Variants in LRRK1 observed in about 807,000 individuals in gnomAD.
LRRK1 encodes leucine rich repeat kinase 1.
In LRRK1, 113 loss-of-function variants were observed where a neutral mutation model predicts 209.1. That is an observed-to-expected ratio of 0.54 (90% CI 0.46 to 0.63). The LOEUF (loss-of-function observed/expected upper bound fraction) is 0.63, where lower values mean the gene tolerates loss of function less well. Among genes scored for constraint, LRRK1 ranks in the 30% least tolerant of loss-of-function variants. The pLI, the probability that LRRK1 is intolerant of heterozygous loss-of-function variation, is 0.00. For synonymous variants in LRRK1, 1,144 were observed against 1,099.7 expected, an observed-to-expected ratio of 1.04 and a Z score of -0.80; for missense variants, 2,284 against 2,632.2, an observed-to-expected ratio of 0.87 and a Z score of 2.89.
At chr15:101,030,629 C>G (rs1478857707) in intron 20 of LRRK1, among the ~76,000 whole-genome samples, 2 of 152,170 alleles carry the variant, frequency 1.3e-5, no homozygotes, top group Non-Finnish European at 2.9e-5. Context: ...CAAATTCCTC[C>G]CTGTACCCCT....
chr15:101,068,504 C>A (rs576670588), intron 33 of LRRK1, among the ~76,000 whole-genome samples, 167 bp from the exon 34 acceptor site: 1 of 152,192 alleles, frequency 6.6e-6, no homozygotes, highest in Non-Finnish European at 1.5e-5. Flanking sequence ...AGGCTGGCCA[C>A]TGGGGAGAAG....
intron 2 of LRRK1, among the ~76,000 whole-genome samples, chr15:100,948,357 C>T (rs558689972): frequency 1.3e-5 from 2 of 152,226 alleles, no homozygotes; most frequent in African/African-American, 4.8e-5. Context: ...GTTTCGTCCC[C>T]GCCGTTTGAA....
intron 2 of LRRK1, among the ~76,000 whole-genome samples, chr15:100,941,288 G>GTGTGTGCCTGTA (rs1555458897): frequency 2.2e-5 from 2 of 90,066 alleles, no homozygotes; most frequent in Non-Finnish European, 4.3e-5. Flanking sequence ...CCGTGTGTGT[G>GTGTGTGCCTGTA]TCTGTGTGTG....
At position 101,029,087 on chromosome 15, in the gene LRRK1, T is replaced by C. The variant is rs755449019; in HGVS notation, c.2818T>C (p.Ser940Pro). ...GCAGAGGATCTTTAATATTAAGGGCTCTCGGTCAGTGGCCAAGAATGGGGT... is the reference window on the plus strand; with the variant it reads ...GCAGAGGATCTTTAATATTAAGGGCCCTCGGTCAGTGGCCAAGAATGGGGT... ...CLQRIFNIKG[S>P]RSVAKNGVIR... The change falls in exon 20 of 34, where the codon TCT becomes CCT. Residue 940 changes from serine to proline, a missense_variant. Ser to Pro is a moderately conservative substitution (Grantham distance 74). Transcript: ENST00000388948. 6.2e-7 allele frequency: 1 copy of C among 1,614,148 alleles called. No individual in the cohort carries two copies. The highest frequency in any genetic ancestry group is 1.1e-5 in the South Asian group (1 of 91,078).
chr15:100,984,273 G>A (rs2031754357), intron 4 of LRRK1, among the ~76,000 whole-genome samples: 1 of 152,230 alleles, frequency 6.6e-6, no homozygotes, highest in African/African-American at 2.4e-5. Flanking sequence ...TTTTGTGTTA[G>A]TGTGGGACAT....
intron 12 of LRRK1, among the ~76,000 whole-genome samples, chr15:101,017,805 A>G (rs1420392233): frequency 6.6e-6 from 1 of 152,104 alleles, no homozygotes; most frequent in Non-Finnish European, 1.5e-5. Context: ...CAGAACTTCA[A>G]CTTAGTGTAA....
intron 23 of LRRK1, among the ~76,000 whole-genome samples, chr15:101,050,381 G>T (rs2035345712): frequency 2.0e-5 from 3 of 152,156 alleles, no homozygotes; most frequent in Non-Finnish European, 4.4e-5. Context: ...TTGCTCCTGG[G>T]GTGGAGACGA....
At chr15:100,950,335 A>T (rs2042620968) in intron 2 of LRRK1, among the ~76,000 whole-genome samples, 1 of 152,280 alleles carries the variant, frequency 6.6e-6, no homozygotes, top group African/African-American at 2.4e-5. Context: ...TGTGGAAAGA[A>T]GTTAAAAAGA....
chr15:101,037,594 G>T (rs889402307), intron 20 of LRRK1, among the ~76,000 whole-genome samples: 6 of 152,200 alleles, frequency 3.9e-5, no homozygotes, highest in Admixed American at 3.3e-4. Flanking sequence ...CCCTGCCACT[G>T]GGGAGGGTGG....
chr15:101,007,452 C>T (rs990117505), intron 6 of LRRK1, among the ~76,000 whole-genome samples: 1 of 152,202 alleles, frequency 6.6e-6, no homozygotes, highest in Non-Finnish European at 1.5e-5. Flanking sequence ...CCACCCCATG[C>T]CGGAAAACCG....
chr15:101,029,704 C>A (rs552354966), intron 20 of LRRK1, among the ~76,000 whole-genome samples: 9 of 152,006 alleles, frequency 5.9e-5, no homozygotes, highest in Non-Finnish European at 1.2e-4. Context: ...CCCGTTTCTA[C>A]TAAAAATACA....
At chr15:100,930,111 C>G (rs1380735726) in intron 2 of LRRK1, among the ~76,000 whole-genome samples, 1 of 152,226 alleles carries the variant, frequency 6.6e-6, no homozygotes, top group Non-Finnish European at 1.5e-5. Context: ...CAACGCCAGC[C>G]TTTCTGTGGG....
At chr15:100,944,080 G>C (rs930656756) in intron 2 of LRRK1, among the ~76,000 whole-genome samples, 3 of 152,146 alleles carry the variant, frequency 2.0e-5, no homozygotes, top group Non-Finnish European at 4.4e-5. Flanking sequence ...TGAGGTTTGG[G>C]TGGGCATGGG....
At chr15:100,926,976 C>G (rs1254703081) in intron 2 of LRRK1, among the ~76,000 whole-genome samples, 1 of 152,192 alleles carries the variant, frequency 6.6e-6, no homozygotes, top group East Asian at 1.9e-4. Context: ...TGAGCCACGG[C>G]GCCCGGCCAG....
chr15:100,980,358 G>A (rs577234382), intron 3 of LRRK1, among the ~76,000 whole-genome samples: 1 of 152,028 alleles, frequency 6.6e-6, no homozygotes, highest in East Asian at 1.9e-4. Context: ...TTCTCAAAAT[G>A]ACAAAATTTT....
At chr15:100,994,653 G>A (rs1171985432) in intron 6 of LRRK1, among the ~76,000 whole-genome samples, 1 of 152,238 alleles carries the variant, frequency 6.6e-6, no homozygotes, top group Non-Finnish European at 1.5e-5. Flanking sequence ...CTGTTGCGTG[G>A]AATCAGAAGA....
chr15:100,954,342 A>T (rs1464582539), intron 2 of LRRK1, among the ~76,000 whole-genome samples: 1 of 39,794 alleles, frequency 2.5e-5, no homozygotes, highest in African/African-American at 1.0e-4. Context: ...TTTAAAAATC[A>T]AGTTATTTAG....
At chr15:101,048,977 T>C (rs574335711) in intron 22 of LRRK1, among the ~76,000 whole-genome samples, 2 of 152,168 alleles carry the variant, frequency 1.3e-5, no homozygotes, top group Non-Finnish European at 2.9e-5. Context: ...CAGGTCACCA[T>C]GGTGACCTTG....
At chr15:100,981,130 G>C (rs1462356647) in intron 3 of LRRK1, among the ~76,000 whole-genome samples, 1 of 152,174 alleles carries the variant, frequency 6.6e-6, no homozygotes, top group Non-Finnish European at 1.5e-5. Context: ...TTTCTATGCT[G>C]TTTGAATTTT....
Sources: gnomAD v4.1 joint callset for allele counts (sites outside exome capture counted in the v4.1 genomes callset) on GRCh38, gnomAD v4.1.1 for gene constraint, MANE v1.5 for transcripts, NCBI Gene and HGNC (gene_info 2026-07-23, HGNC 2026-07-21) for gene names.